PITPNC1: variants seen among roughly 807,000 people sequenced by gnomAD.
PITPNC1 encodes cytoplasmic phosphatidylinositol transfer protein 1.
In PITPNC1, 18 loss-of-function variants were observed where a neutral mutation model predicts 44.7. The observed-to-expected ratio is 0.40, with a 90% CI of 0.28 to 0.60. The LOEUF is 0.60. PITPNC1 is among the 20% of genes least tolerant of loss of function. The pLI, the probability that PITPNC1 is intolerant of heterozygous loss-of-function variation, is 0.39. For missense variants in PITPNC1, 290 were observed against 418.4 expected (o/e 0.69, Z 2.68); for synonymous variants, 141 against 149.6 (o/e 0.94, Z 0.42).
chr17:67,408,733 T>TTCCTTC lies in PITPNC1; in HGVS notation c.48+30531_48+30532insTCCTTC, dbSNP rs1567978464. 3.6e-5 allele frequency: 5 copies of TTCCTTC among 140,116 alleles called. No individual in the cohort carries two copies. The East Asian group carries it at 6.5e-4, about 18-fold the overall frequency. The allele number at this position is 140,116 out of a possible 1,614,324, so 8.7% of individuals were successfully genotyped here. ...TCCTTCCTTCCTTCCTTCCTTCCTT[T>TTCCTTC]CTTTCTTTCTCTCTTTCTTTCTTTC... On this transcript the variant is annotated intron_variant, in intron 1 of 8. Transcript: ENST00000581322.
chr17:67,482,000 C>G (rs1341321231), intron 1 of PITPNC1, among the ~76,000 whole-genome samples: 7 of 152,166 alleles, frequency 4.6e-5, no homozygotes, highest in African/African-American at 1.7e-4. Context: ...ATTACTTGTA[C>G]TTTTGGAAGA....
intron 1 of PITPNC1, among the ~76,000 whole-genome samples, chr17:67,410,525 G>A (rs1356244815): frequency 1.3e-5 from 2 of 151,852 alleles, no homozygotes; most frequent in Non-Finnish European, 2.9e-5. Context: ...CTGGGACCAC[G>A]GGTGTGCACT....
At chr17:67,583,682 G>A (rs1443551886) in intron 5 of PITPNC1, among the ~76,000 whole-genome samples, 2 of 150,636 alleles carry the variant, frequency 1.3e-5, no homozygotes, top group Admixed American at 6.6e-5. Flanking sequence ...CTGAGGTGGG[G>A]TTGAGGCATT....
At chr17:67,593,296 CT>C (rs922424785) in intron 5 of PITPNC1, among the ~76,000 whole-genome samples, 350 of 138,008 alleles carry the variant, frequency 2.5e-3, no homozygotes, top group Middle Eastern at 3.7e-3. Context: ...GAAATTTTCT[CT>C]TTTTTTTTTT....
At chr17:67,513,480 T>C (rs558717559) in intron 1 of PITPNC1, among the ~76,000 whole-genome samples, 235 of 135,216 alleles carry the variant, frequency 1.7e-3, no homozygotes, top group Non-Finnish European at 2.7e-3. Flanking sequence ...TTACTATATG[T>C]GTGTGTGTGT....
At chr17:67,555,003 G>T (rs532137273) in intron 4 of PITPNC1, among the ~76,000 whole-genome samples, 1 of 152,226 alleles carries the variant, frequency 6.6e-6, no homozygotes, top group East Asian at 1.9e-4. Flanking sequence ...ATCATACTCG[G>T]ATATTAAAAT....
chr17:67,561,542 A>C (rs1215864076), intron 4 of PITPNC1, among the ~76,000 whole-genome samples: 1 of 151,928 alleles, frequency 6.6e-6, no homozygotes, highest in Non-Finnish European at 1.5e-5. Flanking sequence ...GATAGTGTGT[A>C]TTTCTTTACT....
chr17:67,399,673 A>G (rs1253186618), intron 1 of PITPNC1, among the ~76,000 whole-genome samples: 4 of 152,244 alleles, frequency 2.6e-5, no homozygotes, highest in Non-Finnish European at 4.4e-5. Flanking sequence ...ATGTATTCCA[A>G]TATCAAATGG....
intron 6 of PITPNC1, among the ~76,000 whole-genome samples, chr17:67,654,015 G>A (rs547818001): frequency 5.9e-5 from 9 of 152,144 alleles, no homozygotes; most frequent in South Asian, 2.1e-4. Flanking sequence ...CTGGGACCAC[G>A]AGGTTCCAGA....
chr17:67,379,446 A>G, intron 1 of PITPNC1: 1 of 851,956 alleles, frequency 1.2e-6, no homozygotes, highest in Non-Finnish European at 1.4e-6. Context: ...AGTTTACAAA[A>G]CGCATCACGG....
At chr17:67,391,163 C>T (rs558093186) in intron 1 of PITPNC1, among the ~76,000 whole-genome samples, 1 of 151,394 alleles carries the variant, frequency 6.6e-6, no homozygotes, top group African/African-American at 2.4e-5. Flanking sequence ...AAAAAATCAA[C>T]CCTTTTTAAT....
At chr17:67,411,256 G>A (rs972373715) in intron 1 of PITPNC1, among the ~76,000 whole-genome samples, 2 of 152,070 alleles carry the variant, frequency 1.3e-5, no homozygotes, top group African/African-American at 4.8e-5. Context: ...AGTATCATGT[G>A]AAAGGGTTGA....
At chr17:67,442,697 A>C (rs1333197161) in intron 1 of PITPNC1, among the ~76,000 whole-genome samples, 1 of 151,386 alleles carries the variant, frequency 6.6e-6, no homozygotes, top group Non-Finnish European at 1.5e-5. Context: ...ACAAAAATAT[A>C]TATATATATT....
intron 6 of PITPNC1, among the ~76,000 whole-genome samples, chr17:67,647,426 G>A (rs1426742516): frequency 6.7e-6 from 1 of 148,708 alleles, no homozygotes; most frequent in Admixed American, 6.7e-5. Context: ...AAGTAGCTGG[G>A]ACTACAGGTG....
intron 5 of PITPNC1, among the ~76,000 whole-genome samples, chr17:67,610,117 G>GC (rs2041667953): frequency 1.3e-5 from 2 of 152,166 alleles, no homozygotes; most frequent in Non-Finnish European, 2.9e-5. Flanking sequence ...AACATAATAT[G>GC]CCCAAAATAT....
At chr17:67,495,052 G>GTTTTGTTTTTTTTTTTTTTTTTTT (rs2039930001) in intron 1 of PITPNC1, among the ~76,000 whole-genome samples, 1 of 38,566 alleles carries the variant, frequency 2.6e-5, no homozygotes, top group African/African-American at 1.0e-4. Flanking sequence ...TTTTTTTTTT[G>GTTTTGTTTTTTTTTTTTTTTTTTT]TTTTTTTTTT....
chr17:67,665,699 A>C (rs2042412084), intron 6 of PITPNC1, among the ~76,000 whole-genome samples: 1 of 152,200 alleles, frequency 6.6e-6, no homozygotes, highest in African/African-American at 2.4e-5. Context: ...ATAGGGTTGA[A>C]GCATTCACTC....
At chr17:67,644,065 T>C (rs1004652373) in intron 6 of PITPNC1, among the ~76,000 whole-genome samples, 1 of 152,240 alleles carries the variant, frequency 6.6e-6, no homozygotes, top group African/African-American at 2.4e-5. Context: ...CAGCCATTTG[T>C]GCTGCTGAGA....
intron 1 of PITPNC1, among the ~76,000 whole-genome samples, chr17:67,443,466 G>A (rs765896339): frequency 6.6e-6 from 1 of 151,634 alleles, no homozygotes; most frequent in Non-Finnish European, 1.5e-5. Context: ...TCTGTTTACC[G>A]GTGTCCCTAG....
Sources: gnomAD v4.1 joint callset for allele counts (sites outside exome capture counted in the v4.1 genomes callset) on GRCh38, gnomAD v4.1.1 for gene constraint, MANE v1.5 for transcripts, NCBI Gene and HGNC (gene_info 2026-07-23, HGNC 2026-07-21) for gene names.